LTN1: variants seen among roughly 807,000 people sequenced by gnomAD.
The protein encoded by LTN1 is listerin E3 ubiquitin protein ligase 1.
LTN1 carries 88 observed loss-of-function variants against 201.2 expected under a neutral mutation model. The observed-to-expected ratio is 0.44, with a 90% confidence interval of 0.37 to 0.52. The LOEUF (loss-of-function observed/expected upper bound fraction) is 0.52. Among genes scored for constraint, LTN1 ranks in the 20% least tolerant of loss-of-function variants. LTN1 has a pLI of 0.00. For synonymous variants in LTN1, 645 were observed against 713.5 expected, an observed-to-expected ratio of 0.90 and a Z score of 1.53; for missense variants, 1,752 against 2,038.7, an observed-to-expected ratio of 0.86 and a Z score of 2.71.
Position 28,986,954 on chromosome 21 carries a change from G to A in LTN1, c.43-20C>T, listed in dbSNP as rs1266210096. 4 of 1,587,964 alleles carry A rather than the reference G, an allele frequency of 2.5e-6. No homozygotes were observed. The highest frequency in any genetic ancestry group is 2.6e-6 in the Non-Finnish European group (3 of 1,157,212). On this transcript the variant is annotated intron_variant, in intron 1 of 29. Transcript: ENST00000361371. This position sits in a 1 kb window ranked among gnomAD's most constrained non-coding sequence, Gnocchi z 4.1. ...TGAAGGCTGATAAGAAAATTACGGA[G>A]AAAAAAGTCAGAGTCCAGGAAGGGT... is the stretch of plus-strand genomic sequence containing the variant.
intron 24 of LTN1, among the ~76,000 whole-genome samples, chr21:28,942,617 T>C (rs1397522049): frequency 6.6e-6 from 1 of 152,132 alleles, no homozygotes; most frequent in Admixed American, 6.5e-5. Context: ...AAGCACATCC[T>C]CACATTCATG....
At chr21:28,989,761 A>G (rs2084730417) in intron 1 of LTN1, among the ~76,000 whole-genome samples, 1 of 152,096 alleles carries the variant, frequency 6.6e-6, no homozygotes, top group South Asian at 2.1e-4. Context: ...TAATCCCAGC[A>G]CTTTAGGAGG....
chr21:28,978,154 A>G (rs1458648799), intron 6 of LTN1, among the ~76,000 whole-genome samples: 1 of 152,060 alleles, frequency 6.6e-6, no homozygotes, highest in Non-Finnish European at 1.5e-5. Context: ...TCAGTCTCCA[A>G]GCAGCTGGGA....
intron 1 of LTN1, among the ~76,000 whole-genome samples, chr21:28,990,293 G>A (rs1249854453): frequency 6.6e-6 from 1 of 152,112 alleles, no homozygotes; most frequent in Non-Finnish European, 1.5e-5. Context: ...TTCTATTGAA[G>A]ACTTTGCCAC....
intron 6 of LTN1, among the ~76,000 whole-genome samples, chr21:28,976,325 C>A (rs1376383601): frequency 6.6e-6 from 1 of 152,136 alleles, no homozygotes; most frequent in Non-Finnish European, 1.5e-5. Context: ...AGAGGCCAGG[C>A]ATGGTGGCTC....
At chr21:28,960,141 C>A (rs141408301) in intron 12 of LTN1, among the ~76,000 whole-genome samples, 204 of 152,154 alleles carry the variant, frequency 1.3e-3, no homozygotes, top group African/African-American at 4.5e-3. Flanking sequence ...CTGAGGCAGA[C>A]AGATCACCTG....
intron 9 of LTN1, among the ~76,000 whole-genome samples, chr21:28,967,429 G>T (rs1464497146): frequency 1.3e-5 from 2 of 152,260 alleles, no homozygotes; most frequent in East Asian, 3.9e-4. Context: ...TAAAGGTTAA[G>T]CTGATCACCA....
intron 4 of LTN1, 69 bp downstream of exon 4, chr21:28,984,623 T>C (rs770486861): frequency 1.9e-6 from 2 of 1,080,634 alleles, no homozygotes; most frequent in Non-Finnish European, 2.7e-6. Context: ...GTAAAAGAGC[T>C]GTCATTATGC....
rs778596175 is a variant in LTN1 at position 28,929,923 on chromosome 21, C to T, written c.*525G>A. ...TGCCTCCAGATATCTTAAGACAAGCCGTATTAATAGCTTAGTGTCATTTTT... is the reference window on the plus strand; with the variant it reads ...TGCCTCCAGATATCTTAAGACAAGCTGTATTAATAGCTTAGTGTCATTTTT... On this transcript the variant is annotated 3_prime_UTR_variant, in exon 30 of 30. Coordinates refer to ENST00000361371, the MANE Select transcript of LTN1 (RefSeq NM_015565.3). 6.6e-6 allele frequency: 1 copy of T among 151,990 alleles called. No individual in the cohort carries two copies. Among genetic ancestry groups the T allele is most frequent in the African/African-American group, 2.4e-5 (1 of 41,376 alleles). The allele number at this position is 151,990 out of a possible 1,614,324, so 9.4% of individuals were successfully genotyped here. A position where few individuals can be genotyped will look rare whatever the true frequency, so the allele number is the denominator to read the frequency against.
chr21:28,981,441 C>T, intron 5 of LTN1, 142 bp from the exon 6 acceptor site: 1 of 449,574 alleles, frequency 2.2e-6, no homozygotes, highest in South Asian at 6.6e-5. Flanking sequence ...TGTGCCAACG[C>T]CCCTCAAAAT....
At chr21:28,964,042 G>A (rs1282484064) in intron 11 of LTN1, among the ~76,000 whole-genome samples, 1 of 152,202 alleles carries the variant, frequency 6.6e-6, no homozygotes, top group Non-Finnish European at 1.5e-5. Context: ...GTTTCTTGAG[G>A]TGGAATCTAC....
At chr21:28,954,845 CA>C (rs2084411307) in intron 16 of LTN1, among the ~76,000 whole-genome samples, 1 of 152,112 alleles carries the variant, frequency 6.6e-6, no homozygotes, top group Non-Finnish European at 1.5e-5. Flanking sequence ...AACTAGAAAG[CA>C]TCAAGGAACG....
chr21:28,964,698 A>C, intron 11 of LTN1: 1 of 1,550,510 alleles, frequency 6.4e-7, no homozygotes, highest in Non-Finnish European at 8.7e-7. Context: ...GGAACTTCCA[A>C]TCACTGCTCA....
At chr21:28,947,407 GTTC>G in intron 19 of LTN1, 54 bp downstream of exon 19, 1 of 1,364,896 alleles carries the variant, frequency 7.3e-7, no homozygotes, top group South Asian at 1.5e-5. Flanking sequence ...ATTAGAAACA[GTTC>G]TTCATCTCAA....
At position 28,982,194 on chromosome 21, in the gene LTN1, G is replaced by A. The variant is rs141866135; in HGVS notation, c.629+122C>T. ...ACTGCGCCACTGCAATCCAGCCTGG[G>A]TGACAGAGTGAGACTCTGTCTCAAA... On this transcript the variant is annotated intron_variant, in intron 5 of 29. Coordinates refer to ENST00000361371, the MANE Select transcript of LTN1 (RefSeq NM_015565.3). The A allele has an allele frequency of 7.6e-5, 58 of 767,306 alleles. No homozygotes were observed. In the East Asian group the frequency reaches 1.6e-3, roughly 21 times the overall value. The allele number at this position is 767,306 out of a possible 1,614,324, so 47.5% of individuals were successfully genotyped here.
At chr21:28,936,808 C>T in intron 25 of LTN1, 111 bp from the exon 26 acceptor site, 1 of 735,590 alleles carries the variant, frequency 1.4e-6, no homozygotes, top group Non-Finnish European at 2.3e-6. Flanking sequence ...AGCAGACATT[C>T]TATCCCCTCA....
chr21:28,945,970 C>A lies in LTN1; in HGVS notation c.3624-19G>T, dbSNP rs2084334093. On this transcript the variant is annotated intron_variant, in intron 20 of 29. Transcript: ENST00000361371. The stretch of plus-strand genomic sequence containing the variant: ...TAGATTACTGTGATAAAGATAAAAA[C>A]AAAAGACAATAAAAGATTATATTGA... 6.3e-7 allele frequency: 1 copy of A among 1,588,524 alleles called. No homozygotes were observed. The highest frequency in any genetic ancestry group is 8.6e-7 in the Non-Finnish European group (1 of 1,166,876).
intron 18 of LTN1, among the ~76,000 whole-genome samples, chr21:28,951,742 C>A (rs1341294530): frequency 6.6e-6 from 1 of 152,138 alleles, no homozygotes; most frequent in Non-Finnish European, 1.5e-5. Flanking sequence ...GAGGCTGAGG[C>A]AGCAGGACTG....
At chr21:28,969,024 C>T (rs1197938790) in intron 9 of LTN1, among the ~76,000 whole-genome samples, 1 of 151,766 alleles carries the variant, frequency 6.6e-6, no homozygotes. Context: ...AGTTCTCGAC[C>T]AGCCTGGCCA....
Sources: gnomAD v4.1 joint callset for allele counts (sites outside exome capture counted in the v4.1 genomes callset) on GRCh38, gnomAD v4.1.1 for gene constraint, Gnocchi (gnomAD v3.1) non-coding constraint, MANE v1.5 for transcripts, NCBI Gene and HGNC (gene_info 2026-07-23, HGNC 2026-07-21) for gene names.